Variants in USP9Y observed in about 807,000 individuals in gnomAD.
The protein encoded by USP9Y is ubiquitin carboxyl-terminal hydrolase 9Y.
Under a neutral mutation model 53.1 loss-of-function variants are expected in USP9Y, and 41 were observed. That is an observed-to-expected ratio of 0.77 (90% CI 0.60 to 1.00). USP9Y has a LOEUF of 1.00. USP9Y is among the 50% of genes least tolerant of loss of function. The pLI, the probability that USP9Y is intolerant of heterozygous loss-of-function variation, is 0.00. For synonymous variants in USP9Y, 220 were observed against 173.7 expected, an observed-to-expected ratio of 1.27 and a Z score of -2.09; for missense variants, 567 against 535.8, an observed-to-expected ratio of 1.06 and a Z score of -0.58.
At position 12,725,168 on chromosome Y, in the gene USP9Y, A is replaced by G. The variant is rs1603196268; in HGVS notation, c.381A>G (p.Ile127Met). The G allele has an allele frequency of 1.5e-5, 6 of 398,173 alleles. No homozygotes were observed. The highest frequency in any genetic ancestry group is 1.1e-5 in the Non-Finnish European group (3 of 283,071). ...GTTTTTTTCGAGATGGACTAACAAT[A>G]TCTTTCACTAAAATTCTTATGGATG... ...CQRFFRDGLTISFTKILMDEA... is the reference protein window; with the variant it reads ...CQRFFRDGLTMSFTKILMDEA... The change falls in exon 6 of 46, where the codon ATA becomes ATG. Residue 127 changes from isoleucine to methionine, a missense_variant. By Grantham distance (10) the Ile-to-Met change is conservative. Coordinates refer to ENST00000338981, the MANE Select transcript of USP9Y (RefSeq NM_004654.4).
At chrY:12,770,810 A>G in intron 15 of USP9Y, among the ~76,000 whole-genome samples, 1 of 33,289 alleles carries the variant, frequency 3.0e-5, no homozygotes, top group African/African-American at 1.2e-4. Context: ...TGTACTCACA[A>G]ATTGCGCCAG....
intron 16 of USP9Y, among the ~76,000 whole-genome samples, chrY:12,772,331 C>T: frequency 3.0e-5 from 1 of 32,811 alleles, no homozygotes; most frequent in Non-Finnish European, 7.5e-5. Flanking sequence ...TACACTGAAA[C>T]GTTAGTTTAC....
rs761565548 is a variant in USP9Y at position 12,846,939 on chromosome Y, C to A, written c.6761C>A (p.Pro2254His). ...STMQSSINGN[P>H]PLPNPFGDLN... ...GATAACAAATCTGTTCTAGGTAATC[C>A]CCCTCTCCCCAATCCTTTCGGTGAC... is the stretch of plus-strand genomic sequence containing the variant. The change falls in exon 41 of 46, where the codon CCC becomes CAC. Residue 2254 changes from proline (P) to histidine (H), a missense_variant. Physicochemically the swap from Pro to His is moderately conservative, Grantham distance 77. Coordinates refer to ENST00000338981, the MANE Select transcript of USP9Y (RefSeq NM_004654.4). The A allele has an allele frequency of 2.6e-6, 1 of 390,646 alleles. No homozygotes were observed. Among genetic ancestry groups the A allele is most frequent in the Non-Finnish European group, 3.6e-6 (1 of 276,635 alleles).
intron 7 of USP9Y, among the ~76,000 whole-genome samples, chrY:12,732,365 A>T: frequency 3.0e-5 from 1 of 33,165 alleles, no homozygotes; most frequent in Non-Finnish European, 7.4e-5. Context: ...TGTTTGAGAC[A>T]GAGTTTTGCT....
At chrY:12,792,304 C>T in intron 26 of USP9Y, among the ~76,000 whole-genome samples, 1 of 34,019 alleles carries the variant, frequency 2.9e-5, no homozygotes. Context: ...ATCCATTTTA[C>T]GTGGTTCTTT....
chrY:12,723,350 ATTATTTTATTT>A (rs2148280385), intron 5 of USP9Y, among the ~76,000 whole-genome samples: 1 of 29,080 alleles, frequency 3.4e-5, no homozygotes, highest in African/African-American at 1.3e-4. Context: ...AATATTTTGT[ATTATTTTATTT>A]TTATTTTATT....
At chrY:12,720,448 T>C (rs954047791) in intron 3 of USP9Y, 141 bp from the exon 4 acceptor site, 13 of 176,367 alleles carry the variant, frequency 7.4e-5, no homozygotes, top group South Asian at 5.0e-5. Context: ...AATACTTCTG[T>C]ATTAACCAAA....
chrY:12,746,732 AT>A (rs778507910), intron 12 of USP9Y, among the ~76,000 whole-genome samples: 5 of 25,381 alleles, frequency 2.0e-4, no homozygotes, highest in South Asian at 9.0e-4. Flanking sequence ...AACTCTAGGA[AT>A]TTTTTTTTTT....
chrY:12,804,275 C>G (rs2053521848), intron 27 of USP9Y, among the ~76,000 whole-genome samples: 1 of 33,753 alleles, frequency 3.0e-5, no homozygotes, highest in Non-Finnish European at 7.3e-5. Context: ...ATAGCTCAGA[C>G]CCCGTCATGT....
intron 12 of USP9Y, among the ~76,000 whole-genome samples, chrY:12,745,858 A>G: frequency 3.0e-5 from 1 of 33,758 alleles, no homozygotes; most frequent in African/African-American, 1.2e-4. Flanking sequence ...GCATAAACCA[A>G]AAAGATTGCT....
intron 15 of USP9Y, among the ~76,000 whole-genome samples, chrY:12,770,837 A>C (rs909423208): frequency 2.4e-4 from 8 of 33,435 alleles, no homozygotes; most frequent in Non-Finnish European, 5.9e-4. Flanking sequence ...TGATGAATGA[A>C]GGGGGAATTA....
At chrY:12,857,737 C>G in intron 45 of USP9Y, 76 bp downstream of exon 45, 1 of 249,515 alleles carries the variant, frequency 4.0e-6, no homozygotes, top group Non-Finnish European at 6.3e-6. Context: ...TTATTATTTT[C>G]TTAAATATTT....
intron 15 of USP9Y, among the ~76,000 whole-genome samples, chrY:12,765,382 G>C: frequency 3.1e-5 from 1 of 32,595 alleles, no homozygotes; most frequent in African/African-American, 1.2e-4. Flanking sequence ...TATTATTTCT[G>C]GCTGATGTTT....
chrY:12,828,329 T>A (rs2053548394), intron 33 of USP9Y, among the ~76,000 whole-genome samples: 1 of 33,909 alleles, frequency 2.9e-5, no homozygotes, highest in African/African-American at 1.1e-4. Context: ...TTTTGGAAGT[T>A]GAAGTGAACA....
intron 23 of USP9Y, 23 bp from the exon 24 acceptor site, chrY:12,786,499 T>G: frequency 2.8e-6 from 1 of 357,867 alleles, no homozygotes; most frequent in Non-Finnish European, 3.8e-6. Flanking sequence ...TAATATACTC[T>G]CCTTTTTTTT....
intron 31 of USP9Y, among the ~76,000 whole-genome samples, chrY:12,814,128 C>T: frequency 3.0e-5 from 1 of 33,843 alleles, no homozygotes; most frequent in East Asian, 7.6e-4. Context: ...ATGTGTGAGT[C>T]ACTCTTTTTT....
At chrY:12,793,717 T>C (rs2053510744) in intron 27 of USP9Y, among the ~76,000 whole-genome samples, 1 of 33,794 alleles carries the variant, frequency 3.0e-5, no homozygotes, top group East Asian at 7.7e-4. Flanking sequence ...TCTATGCATT[T>C]CCTATTTTAG....
At chrY:12,855,756 AAAG>A (rs2053575383) in intron 42 of USP9Y, among the ~76,000 whole-genome samples, 1 of 32,938 alleles carries the variant, frequency 3.0e-5, no homozygotes, top group Non-Finnish European at 7.4e-5. Flanking sequence ...TTTTTCAACT[AAAG>A]AAGTCTTAAA....
intron 27 of USP9Y, among the ~76,000 whole-genome samples, chrY:12,799,256 A>C (rs759558602): frequency 1.2e-4 from 4 of 33,170 alleles, no homozygotes; most frequent in Admixed American, 5.4e-4. Context: ...AGAAGGGACA[A>C]TGGAGCTGCC....
Sources: gnomAD v4.1 joint callset for allele counts (sites outside exome capture counted in the v4.1 genomes callset) on GRCh38, gnomAD v4.1.1 for gene constraint, MANE v1.5 for transcripts, NCBI Gene and HGNC (gene_info 2026-07-23, HGNC 2026-07-21) for gene names.